Variants in CPED1 observed in about 807,000 individuals in gnomAD.
The protein encoded by CPED1 is cadherin like and PC-esterase domain containing 1, also known as cadherin-like and PC-esterase domain-containing protein 1.
Under a neutral mutation model 128.2 loss-of-function variants are expected in CPED1, and 114 were observed. The observed-to-expected ratio is 0.89, with a 90% CI of 0.76 to 1.04. The LOEUF is 1.04. Among genes scored for constraint, CPED1 ranks in the 50% least tolerant of loss-of-function variants. The probability of loss-of-function intolerance (pLI) is 0.00; values close to 1 mark genes in which losing one functional copy is unlikely to be tolerated. For missense variants in CPED1, 1,211 were observed against 1,207.1 expected, an observed-to-expected ratio of 1.00 and a Z score of -0.05; for synonymous variants, 462 against 426.7, an observed-to-expected ratio of 1.08 and a Z score of -1.02.
At position 121,093,397 on chromosome 7, in the gene CPED1, T is replaced by TATACACACACACACAC. The variant is rs1554433495; in HGVS notation, c.617-4301_617-4300insTACACACACACACACA. On this transcript the variant is annotated intron_variant, in intron 5 of 22. Transcript: ENST00000310396. ...AAGCTAATATTGCTCCCTTTTTCTG[T>TATACACACACACACAC]ACACACACACACACACACACACACA... Among the ~76,000 whole-genome samples, 279 of 145,566 alleles carry TATACACACACACACAC rather than the reference T, an allele frequency of 1.9e-3. 2 individuals carry two copies. Among genetic ancestry groups the TATACACACACACACAC allele is most frequent in the Middle Eastern group, 3.4e-3 (1 of 290 alleles).
intron 3 of CPED1, among the ~76,000 whole-genome samples, chr7:121,042,275 T>C (rs1022096341): frequency 6.6e-6 from 1 of 152,112 alleles, no homozygotes; most frequent in Non-Finnish European, 1.5e-5. Flanking sequence ...ACCAGTGGTA[T>C]TGCCAATAGT....
At chr7:121,141,240 G>C (rs1408154074) in intron 15 of CPED1, among the ~76,000 whole-genome samples, 1 of 151,922 alleles carries the variant, frequency 6.6e-6, no homozygotes, top group Non-Finnish European at 1.5e-5. Context: ...GAAATATAGA[G>C]AAGATCCATT....
intron 2 of CPED1, among the ~76,000 whole-genome samples, chr7:121,013,791 T>C (rs926136011): frequency 3.9e-5 from 6 of 152,206 alleles, no homozygotes; most frequent in African/African-American, 1.2e-4. Context: ...TAGGATATGG[T>C]TCCTGTCCTC....
chr7:121,009,804 C>T (rs969446786), intron 2 of CPED1, among the ~76,000 whole-genome samples: 7 of 151,980 alleles, frequency 4.6e-5, no homozygotes, highest in African/African-American at 1.2e-4. Context: ...GTGTTTGAAA[C>T]GAAGTGGAGG....
intron 5 of CPED1, among the ~76,000 whole-genome samples, chr7:121,074,053 C>A (rs1794060625): frequency 1.3e-5 from 2 of 152,174 alleles, no homozygotes; most frequent in South Asian, 2.1e-4. Flanking sequence ...CTCTGACAAT[C>A]CTTTCCAAAG....
At chr7:121,161,041 C>T (rs1796401637) in intron 16 of CPED1, among the ~76,000 whole-genome samples, 1 of 152,122 alleles carries the variant, frequency 6.6e-6, no homozygotes, top group African/African-American at 2.4e-5. Flanking sequence ...GGAACGGACC[C>T]CATTCACCAC....
Position 121,099,997 on chromosome 7 carries a change from C to T in CPED1, c.821C>T (p.Ala274Val), listed in dbSNP as rs1249467199. Residue 274 changes from alanine (A) to valine (V), a missense_variant, in exon 7 of 23, where the codon GCG (alanine) becomes GTG (valine). Ala to Val is a moderately conservative substitution (Grantham distance 64, BLOSUM62 0). Coordinates refer to ENST00000310396, the MANE Select transcript of CPED1 (RefSeq NM_024913.5). ...GAAGATCTATCTGTGATTCTTAAAG[C>T]GTATGTGTTGGTGACGTCCTTAACC... is the stretch of plus-strand genomic sequence containing the variant. ...RAEDLSVILK[A>V]YVLVTSLTPL... 4 of 1,613,180 alleles carry T rather than the reference C, an allele frequency of 2.5e-6. No homozygotes were observed. The highest frequency in any genetic ancestry group is 2.7e-5 in the African/African-American group (2 of 74,676).
rs112650643 is a variant in CPED1 at position 121,067,335 on chromosome 7, A to G, written c.616+3022A>G. Among the ~76,000 whole-genome samples, 332 of 151,746 alleles carry G rather than the reference A, an allele frequency of 2.2e-3. 3 individuals carry two copies. The highest frequency in any genetic ancestry group is 7.4e-3 in the African/African-American group (303 of 41,188). On this transcript the variant is annotated intron_variant, in intron 5 of 22. Coordinates refer to ENST00000310396, the MANE Select transcript of CPED1 (RefSeq NM_024913.5). ...TGTGTCCATGTGTTCTCATTGTTCA[A>G]TTCCCACCTATGAGTGAGAACATGT...
intron 5 of CPED1, among the ~76,000 whole-genome samples, chr7:121,073,179 C>T (rs1012032322): frequency 3.3e-5 from 5 of 152,078 alleles, no homozygotes; most frequent in Admixed American, 1.3e-4. Flanking sequence ...GTATTATATA[C>T]TGTATTTTTA....
At chr7:121,001,862 T>C (rs1219500429) in intron 2 of CPED1, among the ~76,000 whole-genome samples, 2 of 152,132 alleles carry the variant, frequency 1.3e-5, no homozygotes, top group East Asian at 3.8e-4. Flanking sequence ...AATTAGACAC[T>C]TTAGCTGAGA....
chr7:121,060,472 T>G (rs1252652512), intron 4 of CPED1, among the ~76,000 whole-genome samples: 3 of 152,226 alleles, frequency 2.0e-5, no homozygotes, highest in Non-Finnish European at 2.9e-5. Context: ...CGGCACTCTG[T>G]ATCTAGCTCA....
At chr7:121,075,683 C>T (rs181744567) in intron 5 of CPED1, among the ~76,000 whole-genome samples, 8 of 152,074 alleles carry the variant, frequency 5.3e-5, no homozygotes, top group African/African-American at 1.7e-4. Flanking sequence ...AGGCTGGTCT[C>T]GAACTCCTGA....
intron 4 of CPED1, chr7:121,051,988 T>C (rs1329653112): frequency 6.6e-6 from 1 of 151,792 alleles, no homozygotes; most frequent in African/African-American, 2.4e-5. Flanking sequence ...TCCAATAAAA[T>C]CTCAATTATG....
rs1429157082 is a variant in CPED1, at chr7:121,127,240, A to G, written c.1285A>G (p.Arg429Gly). The change falls in exon 10 of 23, where the codon AGA becomes GGA. Residue 429 changes from arginine to glycine, a missense_variant. Arg to Gly is a moderately radical substitution (Grantham distance 125). Transcript: ENST00000310396. ...IFSEIFQRLY[R>G]SDVFKGENYQ... ...TTCTGAGATATTTCAGAGACTTTAT[A>G]GATCAGATGTTTTCAAGGTAAGTGC... 7 of 1,579,612 alleles carry G rather than the reference A, an allele frequency of 4.4e-6. No homozygotes were observed. The highest frequency in any genetic ancestry group is 6.1e-6 in the Non-Finnish European group (7 of 1,155,568).
At chr7:121,144,902 G>A (rs974436228) in intron 16 of CPED1, among the ~76,000 whole-genome samples, 9 of 152,028 alleles carry the variant, frequency 5.9e-5, no homozygotes, top group African/African-American at 1.9e-4. Flanking sequence ...TGAAGTTCAA[G>A]AATAAGCAAA....
At position 121,005,281 on chromosome 7, in the gene CPED1, A is replaced by G. The variant is rs192638603; in HGVS notation, c.250-10384A>G. 2.8e-4 allele frequency among the ~76,000 whole-genome samples: 43 copies of G among 152,290 alleles called. No homozygotes were observed. In the East Asian group the frequency reaches 6.9e-3, roughly 25 times the overall value. ...AACTCATCCTTTTTTATGGCTGCAT[A>G]GTATTCCACGGTGTTTACGTGCCAC... On this transcript the variant is annotated intron_variant, in intron 2 of 22. Coordinates refer to ENST00000310396, the MANE Select transcript of CPED1 (RefSeq NM_024913.5).
intron 5 of CPED1, among the ~76,000 whole-genome samples, chr7:121,086,819 G>C (rs560554726): frequency 6.6e-6 from 1 of 152,190 alleles, no homozygotes; most frequent in African/African-American, 2.4e-5. Flanking sequence ...TTTCACTCCA[G>C]ATCCATGAAA....
rs1311514473 is a variant in CPED1 at position 121,136,083 on chromosome 7, C to T, written c.1692C>T (p.Cys564=). ...QIKNENKEIH[C]SDDENTPCHI... The stretch of plus-strand genomic sequence containing the variant: ...AAAATGAAAATAAAGAAATACATTG[C>T]AGTGATGGTGAGTTGAGATTAAAGT... The change falls in exon 14 of 23, where the codon TGC becomes TGT. Residue 564 remains cysteine (C), a synonymous_variant. Coordinates refer to ENST00000310396, the MANE Select transcript of CPED1 (RefSeq NM_024913.5). 2.6e-6 allele frequency: 4 copies of T among 1,540,718 alleles called. No homozygotes were observed. Among genetic ancestry groups the T allele is most frequent in the Admixed American group, 2.3e-5 (1 of 44,392 alleles).
At chr7:121,264,551 C>G (rs1403650324) in intron 18 of CPED1, among the ~76,000 whole-genome samples, 4 of 151,992 alleles carry the variant, frequency 2.6e-5, no homozygotes, top group Non-Finnish European at 5.9e-5. Context: ...GAGCTGAAGG[C>G]AAATTGGAGA....
Sources: allele counts gnomAD v4.1 joint callset (sites outside exome capture counted in the v4.1 genomes callset), GRCh38; gene constraint gnomAD v4.1.1; transcripts MANE v1.5; gene names NCBI Gene and HGNC (gene_info 2026-07-23, HGNC 2026-07-21).